The following PRODH2 variants were observed in gnomAD, a reference collection of about 807,000 sequenced individuals.
The protein encoded by PRODH2 is hydroxyproline dehydrogenase.
In PRODH2, 49 loss-of-function variants were observed where a neutral mutation model predicts 51.9. That is an observed-to-expected ratio of 0.94 (90% CI 0.75 to 1.20). The LOEUF is 1.20. Ranked by LOEUF, PRODH2 falls within the 50% of genes most tolerant of loss-of-function variation. The pLI, the probability that PRODH2 is intolerant of heterozygous loss-of-function variation, is 0.00. For missense variants in PRODH2, 597 were observed against 610.9 expected, an observed-to-expected ratio of 0.98 and a Z score of 0.24; for synonymous variants, 249 against 260.7, an observed-to-expected ratio of 0.96 and a Z score of 0.43.
At chr19:35,802,585 A>G (rs922523959) in intron 8 of PRODH2, 14 of 469,048 alleles carry the variant, frequency 3.0e-5, no homozygotes, top group Non-Finnish European at 4.7e-5. Flanking sequence ...TTTAAGAGGT[A>G]GGGACTTGCT....
chr19:35,806,541 G>T lies in PRODH2; in HGVS notation c.890C>A (p.Ala297Asp). 6.2e-7 allele frequency: 1 copy of T among 1,614,112 alleles called. No homozygotes were observed. The highest frequency in any genetic ancestry group is 8.5e-7 in the Non-Finnish European group (1 of 1,180,022). ...ACCTCGTACCAGCTTCACTCCGAAG[G>T]CCAGGCCGGCCCTGTGCGCAGCCTC... The part of the protein sequence containing the change: ...DAEAAHRAGL[A>D]FGVKLVRGAY... Residue 297 changes from alanine to aspartate, a missense_variant, in exon 7 of 10, where the codon GCC becomes GAC. Physicochemically the swap from Ala to Asp is moderately radical, Grantham distance 126 (BLOSUM62 -2). Transcript: ENST00000653904.
chr19:35,802,302 C>T (rs2146778734), intron 8 of PRODH2, 26 bp from the exon 9 acceptor site: 2 of 1,608,018 alleles, frequency 1.2e-6, no homozygotes, highest in East Asian at 4.5e-5. Flanking sequence ...CATCATCAGT[C>T]CAGACTGTGG....
At chr19:35,804,826 C>G (rs889891473) in intron 7 of PRODH2, among the ~76,000 whole-genome samples, 2 of 152,092 alleles carry the variant, frequency 1.3e-5, no homozygotes, top group Admixed American at 6.6e-5. Context: ...GTCTTAGCTA[C>G]TGGGGAGACT....
chr19:35,812,100 G>A (rs370078495), intron 3 of PRODH2, 34 bp downstream of exon 3: 114 of 1,613,248 alleles, frequency 7.1e-5, no homozygotes, highest in Non-Finnish European at 9.2e-5. Flanking sequence ...GGGCAGCCGC[G>A]CCCTCCCCGC....
chr19:35,809,749 A>T (rs1474483766), intron 4 of PRODH2, among the ~76,000 whole-genome samples: 1 of 150,954 alleles, frequency 6.6e-6, no homozygotes, highest in Non-Finnish European at 1.5e-5. Context: ...TCACGAGGTC[A>T]GGAGTTAAAG....
At chr19:35,804,865 A>G (rs1183823943) in intron 7 of PRODH2, among the ~76,000 whole-genome samples, 2 of 152,046 alleles carry the variant, frequency 1.3e-5, no homozygotes, top group African/African-American at 2.4e-5. Flanking sequence ...GGGCCTGGGG[A>G]GTCAAGGCTG....
At chr19:35,805,971 G>GT (rs1972504661) in intron 7 of PRODH2, among the ~76,000 whole-genome samples, 1 of 152,264 alleles carries the variant, frequency 6.6e-6, no homozygotes, top group African/African-American at 2.4e-5. Context: ...CAGTGTGGCT[G>GT]TAGTGGAGTG....
Position 35,800,144 on chromosome 19 carries a change from G to T in PRODH2, c.1277C>A (p.Ala426Asp). The T allele has an allele frequency of 6.2e-7, 1 of 1,606,426 alleles. No homozygotes were observed. Among genetic ancestry groups the T allele is most frequent in the Non-Finnish European group, 8.5e-7 (1 of 1,176,224 alleles). Reference protein sequence around the residue: ...EEVIPYLIRRAQENRSVLQGA... With the variant: ...EEVIPYLIRRDQENRSVLQGA... ...CTGAAGCACGCTCCGGTTCTCCTGG[G>T]CCCTCCGGATCAGGTAGGGGATTAC... is the stretch of plus-strand genomic sequence containing the variant. The change falls in exon 10 of 10, where the codon GCC becomes GAC. Residue 426 changes from alanine (A) to aspartate (D), a missense_variant. Coordinates refer to ENST00000653904, the MANE Select transcript of PRODH2 (RefSeq NM_021232.2).
Position 35,806,609 on chromosome 19 carries a change from C to A in PRODH2, c.835-13G>T, listed in dbSNP as rs202139110. The A allele has an allele frequency of 5.1e-5, 83 of 1,614,144 alleles. No individual in the cohort carries two copies. In the African/African-American group the frequency reaches 1.0e-3, roughly 20 times the overall value. On this transcript the variant is annotated splice_polypyrimidine_tract_variant and intron_variant, in intron 6 of 9. Transcript: ENST00000653904. ...GCTCGAATGTGTCCTATAGGGCACGCAGGCAGGTTCTGGTAGGTCAGGGTG... is the reference window on the plus strand; with the variant it reads ...GCTCGAATGTGTCCTATAGGGCACGAAGGCAGGTTCTGGTAGGTCAGGGTG...
intron 7 of PRODH2, among the ~76,000 whole-genome samples, chr19:35,804,601 C>G (rs919250680): frequency 2.0e-5 from 3 of 152,330 alleles, no homozygotes; most frequent in Non-Finnish European, 2.9e-5. Flanking sequence ...TCTGATGCTC[C>G]AGAGCCCAGG....
chr19:35,801,334 CA>C (rs1382611309), intron 9 of PRODH2, among the ~76,000 whole-genome samples: 1 of 151,970 alleles, frequency 6.6e-6, no homozygotes, highest in Non-Finnish European at 1.5e-5. Context: ...GGCGTGGTGG[CA>C]GCCGTCTGTA....
intron 9 of PRODH2, among the ~76,000 whole-genome samples, chr19:35,801,247 C>G (rs1423104258): frequency 2.0e-5 from 3 of 151,812 alleles, no homozygotes; most frequent in Admixed American, 1.3e-4. Flanking sequence ...AGGCAGATCA[C>G]CTGAGGTCAG....
In PRODH2 at chr19:35,812,489, T is replaced by C. The variant is rs1972630652; in HGVS notation, c.242A>G (p.Tyr81Cys). The C allele has an allele frequency of 6.2e-7, 1 of 1,614,066 alleles. No individual in the cohort carries two copies. Among genetic ancestry groups the C allele is most frequent in the Admixed American group, 1.7e-5 (1 of 60,008 alleles). Residue 81 changes from tyrosine (Y) to cysteine (C), a missense_variant, in exon 2 of 10, where the codon TAT (tyrosine) becomes TGT (cysteine). Physicochemically the swap from Tyr to Cys is radical, Grantham distance 194 (BLOSUM62 -2). Transcript: ENST00000653904. The part of the protein sequence containing the change: ...LSGAFLRASV[Y>C]GQFVAGETAE... ...TGTCTCACCAGCCACAAACTGCCCA[T>C]AGACGGATGCTCGGAGAAATGCGCC...
At chr19:35,803,415 C>T (rs756844299) in intron 7 of PRODH2, among the ~76,000 whole-genome samples, 1 of 152,044 alleles carries the variant, frequency 6.6e-6, no homozygotes, top group Non-Finnish European at 1.5e-5. Context: ...CCATCACACC[C>T]GGCTAATTTT....
Position 35,807,036 on chromosome 19 carries a change from G to A in PRODH2, c.678+5C>T, listed in dbSNP as rs1972525440. The A allele has an allele frequency of 1.7e-5, 26 of 1,550,770 alleles. No homozygotes were observed. The highest frequency in any genetic ancestry group is 2.1e-5 in the Non-Finnish European group (24 of 1,147,200). ...GGAGGTGCTGGTTCCAGCAGGAGGG[G>A]TTACCTGTGCCACCCGATGCAGGCG... On this transcript the variant is annotated splice_donor_5th_base_variant and intron_variant, in intron 5 of 9. Coordinates refer to ENST00000653904, the MANE Select transcript of PRODH2 (RefSeq NM_021232.2).
chr19:35,806,432 C>T lies in PRODH2; in HGVS notation c.999G>A (p.Gln333=). 6.2e-7 allele frequency: 1 copy of T among 1,614,010 alleles called. No homozygotes were observed. Among genetic ancestry groups the T allele is most frequent in the Non-Finnish European group, 8.5e-7 (1 of 1,179,982 alleles). ...GAGGCCAGCTGGCCCGGGCCTACCTCTGACTGGTGGCCTCATAGTCAGGCT... is the reference window on the plus strand; with the variant it reads ...GAGGCCAGCTGGCCCGGGCCTACCTTTGACTGGTGGCCTCATAGTCAGGCT... ...PTQPDYEATS[Q]SYSRCLELML... is the part of the protein sequence containing the mutation. Residue 333 remains glutamine, a splice_region_variant and synonymous_variant, in exon 7 of 10, where the codon CAG becomes CAA. Transcript: ENST00000653904.
intron 4 of PRODH2, among the ~76,000 whole-genome samples, chr19:35,808,069 T>C (rs896200598): frequency 6.6e-6 from 1 of 152,208 alleles, no homozygotes; most frequent in Non-Finnish European, 1.5e-5. Context: ...TTTTAATTAT[T>C]GTCTCTTGCC....
In PRODH2 at chr19:35,800,214, C is replaced by A; in HGVS notation, c.1207G>T (p.Gly403Cys). ...GGAATGGACTTATACACTACATAGC[C>A]GGCCTGCCCTGCAGGGAGAGTGGGT... ...DHVSLALGQA[G>C]YVVYKSIPYG... Residue 403 changes from glycine to cysteine, a missense_variant, in exon 10 of 10, where the codon GGC (glycine) becomes TGC (cysteine). Coordinates refer to ENST00000653904, the MANE Select transcript of PRODH2 (RefSeq NM_021232.2). The A allele has an allele frequency of 6.3e-7, 1 of 1,575,310 alleles. No homozygotes were observed. The highest frequency in any genetic ancestry group is 1.2e-5 in the South Asian group (1 of 86,156).
Position 35,812,211 on chromosome 19 carries a change from G to T in PRODH2, c.433C>A (p.Leu145Ile). ...TCAGCCAGGCTGGGGGGCTCCAGGA[G>T]GCCCCGTGACAGGTCCACACACCGC... ...MLRCVDLSRG[L>I]LEPPSLAEAS... The change falls in exon 3 of 10, where the codon CTC (leucine) becomes ATC (isoleucine). Residue 145 changes from leucine (L) to isoleucine (I), a missense_variant. By Grantham distance (5) the Leu-to-Ile change is conservative. Coordinates refer to ENST00000653904, the MANE Select transcript of PRODH2 (RefSeq NM_021232.2). The T allele has an allele frequency of 1.2e-6, 2 of 1,614,082 alleles. No homozygotes were observed. The highest frequency in any genetic ancestry group is 1.7e-6 in the Non-Finnish European group (2 of 1,180,008).
Sources: gnomAD v4.1 joint callset for allele counts (sites outside exome capture counted in the v4.1 genomes callset) on GRCh38, gnomAD v4.1.1 for gene constraint, MANE v1.5 for transcripts, NCBI Gene and HGNC (gene_info 2026-07-23, HGNC 2026-07-21) for gene names.